GAP43: variants seen among roughly 807,000 people sequenced by gnomAD.
GAP43 encodes the protein growth associated protein 43.
GAP43 carries 6 observed loss-of-function variants against 18.6 expected under a neutral mutation model. The observed-to-expected ratio is 0.32, with a 90% CI of 0.18 to 0.64. The LOEUF is 0.64. GAP43 is among the 30% of genes least tolerant of loss of function. The pLI, the probability that GAP43 is intolerant of heterozygous loss-of-function variation, is 0.78. For missense variants in GAP43, 292 were observed against 295.5 expected (o/e 0.99, Z 0.09); for synonymous variants, 115 against 111.4 (o/e 1.03, Z -0.20).
intron 1 of GAP43, chr3:115,663,913 A>T (rs1371397745): frequency 6.4e-7 from 1 of 1,552,026 alleles, no homozygotes; most frequent in Admixed American, 2.0e-5. Flanking sequence ...TCTGGATTTC[A>T]AGGGTAATTT....
At chr3:115,626,755 C>T (rs1457987572) in intron 1 of GAP43, among the ~76,000 whole-genome samples, 1 of 152,132 alleles carries the variant, frequency 6.6e-6, no homozygotes, top group Non-Finnish European at 1.5e-5. Context: ...AGTCCCTCTA[C>T]TCCCCAGCCC....
At chr3:115,709,081 C>T (rs1174922966) in intron 2 of GAP43, among the ~76,000 whole-genome samples, 4 of 150,996 alleles carry the variant, frequency 2.6e-5, no homozygotes, top group Admixed American at 1.3e-4. Flanking sequence ...ATAGAAAAAG[C>T]AGCACTGTCA....
At chr3:115,651,148 A>AGAAAT (rs1708514943) in intron 1 of GAP43, among the ~76,000 whole-genome samples, 1 of 152,086 alleles carries the variant, frequency 6.6e-6, no homozygotes, top group African/African-American at 2.4e-5. Flanking sequence ...TAATAATAAT[A>AGAAAT]AAGAAAGTAA....
intron 1 of GAP43, among the ~76,000 whole-genome samples, chr3:115,665,738 G>T (rs1708724331): frequency 6.6e-6 from 1 of 152,030 alleles, no homozygotes; most frequent in Non-Finnish European, 1.5e-5. Flanking sequence ...TAACTATCCA[G>T]TGGGGGTGCA....
At chr3:115,696,324 T>C (rs1709188935) in intron 2 of GAP43, among the ~76,000 whole-genome samples, 1 of 152,158 alleles carries the variant, frequency 6.6e-6, no homozygotes, top group Non-Finnish European at 1.5e-5. Flanking sequence ...ATTATTCCTT[T>C]TTTTCTTTTC....
intron 2 of GAP43, among the ~76,000 whole-genome samples, chr3:115,685,559 C>T (rs1331193995): frequency 6.6e-6 from 1 of 152,218 alleles, no homozygotes; most frequent in Non-Finnish European, 1.5e-5. Context: ...TGTGTACAGC[C>T]TGTGAGCTAT....
At chr3:115,711,103 C>A (rs1487383013) in intron 2 of GAP43, among the ~76,000 whole-genome samples, 1 of 152,138 alleles carries the variant, frequency 6.6e-6, no homozygotes, top group Non-Finnish European at 1.5e-5. Flanking sequence ...TAATTTCTTA[C>A]AGCTTCAATT....
At chr3:115,682,362 A>C (rs1399158827) in intron 2 of GAP43, among the ~76,000 whole-genome samples, 4 of 152,168 alleles carry the variant, frequency 2.6e-5, no homozygotes, top group Non-Finnish European at 1.5e-5. Flanking sequence ...AATCAGATGA[A>C]AGTCATTTTA....
chr3:115,627,185 A>G (rs1470681841), intron 1 of GAP43, among the ~76,000 whole-genome samples: 3 of 141,496 alleles, frequency 2.1e-5, no homozygotes, highest in Non-Finnish European at 4.5e-5. Context: ...ACCTTAGAAA[A>G]TTCATGGTGA....
In GAP43 at chr3:115,644,883, G is replaced by A. The variant is rs896980059; in HGVS notation, c.30+21164G>A. ...CTGGATCATCAGAGGTTTCATTTCG[G>A]ATAGAAGTGAGGTCATAGCTCTGCT... On this transcript the variant is annotated intron_variant, in intron 1 of 2. Transcript: ENST00000305124. This position sits in a 1 kb window ranked among gnomAD's most constrained non-coding sequence, Gnocchi z 4.2. Among the ~76,000 whole-genome samples the A allele has an allele frequency of 6.6e-6, 1 of 152,052 alleles. No homozygotes were observed. Among genetic ancestry groups the A allele is most frequent in the Admixed American group, 6.6e-5 (1 of 15,250 alleles).
intron 2 of GAP43, among the ~76,000 whole-genome samples, chr3:115,704,935 GT>G (rs1367866428): frequency 6.6e-6 from 1 of 152,136 alleles, no homozygotes; most frequent in African/African-American, 2.4e-5. Flanking sequence ...AGCTGAGTCT[GT>G]GACGGTATAT....
At chr3:115,646,178 T>A (rs1415338017) in intron 1 of GAP43, among the ~76,000 whole-genome samples, 1 of 152,130 alleles carries the variant, frequency 6.6e-6, no homozygotes, top group Non-Finnish European at 1.5e-5. Flanking sequence ...CAGCCTTAGA[T>A]AAACAGATTG....
intron 2 of GAP43, among the ~76,000 whole-genome samples, chr3:115,683,139 GCGCGCGCGCACACACACACACA>G (rs1708980788): frequency 7.9e-6 from 1 of 126,146 alleles, no homozygotes; most frequent in Non-Finnish European, 1.7e-5. Flanking sequence ...GCGCGTGCGC[GCGCGCGCGCACACACACACACA>G]CACACACACA....
chr3:115,649,460 G>A (rs576543349), intron 1 of GAP43, among the ~76,000 whole-genome samples: 1 of 152,146 alleles, frequency 6.6e-6, no homozygotes, highest in South Asian at 2.1e-4. Context: ...TTCAAGGTAG[G>A]GAGAAACCTG....
At chr3:115,673,329 C>T (rs1708838253) in intron 1 of GAP43, among the ~76,000 whole-genome samples, 1 of 152,146 alleles carries the variant, frequency 6.6e-6, no homozygotes. Flanking sequence ...GCTTCCTTCT[C>T]TTTGTGATTT....
chr3:115,623,843 T>C, intron 1 of GAP43, 124 bp downstream of exon 1: 1 of 932,414 alleles, frequency 1.1e-6, no homozygotes, highest in East Asian at 2.4e-5. Context: ...TTCCTTAGCA[T>C]ATGGTAACTG....
At chr3:115,624,509 C>T (rs1708159980) in intron 1 of GAP43, among the ~76,000 whole-genome samples, 1 of 152,080 alleles carries the variant, frequency 6.6e-6, no homozygotes, top group African/African-American at 2.4e-5. Context: ...CTCTTATCCC[C>T]TTCCCTTGCT....
intron 1 of GAP43, among the ~76,000 whole-genome samples, chr3:115,656,441 C>G (rs1172587885): frequency 6.6e-6 from 1 of 152,058 alleles, no homozygotes; most frequent in African/African-American, 2.4e-5. Flanking sequence ...ACTAGGCTCC[C>G]TCGACCAGCA....
intron 2 of GAP43, among the ~76,000 whole-genome samples, chr3:115,687,653 AG>A (rs1709051999): frequency 6.6e-6 from 1 of 152,182 alleles, no homozygotes; most frequent in Non-Finnish European, 1.5e-5. Flanking sequence ...TGCAGAGGCC[AG>A]GTTAACAAGG....
Sources: allele counts gnomAD v4.1 joint callset (sites outside exome capture counted in the v4.1 genomes callset), GRCh38; gene constraint gnomAD v4.1.1; non-coding constraint Gnocchi (gnomAD v3.1); transcripts MANE v1.5; gene names NCBI Gene and HGNC (gene_info 2026-07-23, HGNC 2026-07-21).